The following MEGF6 variants were observed in gnomAD, a reference collection of about 807,000 sequenced individuals.
MEGF6 encodes the protein multiple epidermal growth factor-like domains protein 6.
In MEGF6, 184 loss-of-function variants were observed where a neutral mutation model predicts 207.1. The observed-to-expected ratio is 0.89, with a 90% CI of 0.79 to 1.00. MEGF6 has a LOEUF of 1.00. MEGF6 is among the 50% of genes least tolerant of loss of function. The pLI is 0.00. For synonymous variants in MEGF6, 1,038 were observed against 910.0 expected (o/e 1.14, Z -2.53); for missense variants, 2,282 against 2,202.9 (o/e 1.04, Z -0.72).
chr1:3,567,620 C>T (rs562996508), intron 4 of MEGF6, among the ~76,000 whole-genome samples: 4 of 152,214 alleles, frequency 2.6e-5, no homozygotes, highest in East Asian at 1.9e-4. Flanking sequence ...GCCGGGGACA[C>T]GGCCAGCCTG....
At position 3,560,044 on chromosome 1, in the gene MEGF6, C is replaced by G. The variant is rs1643151877; in HGVS notation, c.481+19781G>C. Among the ~76,000 whole-genome samples, 1 of 146,948 alleles carries G rather than the reference C, an allele frequency of 6.8e-6. No individual in the cohort carries two copies. The highest frequency in any genetic ancestry group is 2.5e-5 in the African/African-American group (1 of 40,374). On this transcript the variant is annotated intron_variant, in intron 4 of 36. Coordinates refer to ENST00000356575, the MANE Select transcript of MEGF6 (RefSeq NM_001409.4). This position sits in a 1 kb window ranked among gnomAD's most constrained non-coding sequence, Gnocchi z 4.0. ...GAAAAAAAAAAAAAAAAAGGAAACA[C>G]GATGAGCCCATCTCCTGGGAGTCGG...
At chr1:3,494,569 CT>C (rs1342384397) in intron 31 of MEGF6, 43 bp downstream of exon 31, 1 of 1,560,898 alleles carries the variant, frequency 6.4e-7, no homozygotes, top group Non-Finnish European at 8.6e-7. Flanking sequence ...CCCAGGGCAC[CT>C]CCCTGAGGGG....
intron 4 of MEGF6, among the ~76,000 whole-genome samples, chr1:3,535,475 C>T (rs1642297886): frequency 6.6e-6 from 1 of 152,156 alleles, no homozygotes; most frequent in Non-Finnish European, 1.5e-5. Context: ...TGCATCCAAC[C>T]CTCTGGTCCT....
Position 3,560,072 on chromosome 1 carries a change from G to C in MEGF6, c.481+19753C>G, listed in dbSNP as rs1447239217. On this transcript the variant is annotated intron_variant, in intron 4 of 36. Coordinates refer to ENST00000356575, the MANE Select transcript of MEGF6 (RefSeq NM_001409.4). The surrounding 1 kb of genome is among the most constrained non-coding windows in gnomAD (Gnocchi z 4.0). ...TGAGCCCATCTCCTGGGAGTCGGGA[G>C]GTGCTCTCAGGGCAGGAGAGGGCCT... Among the ~76,000 whole-genome samples the C allele has an allele frequency of 6.7e-6, 1 of 149,508 alleles. No homozygotes were observed.
the MEGF6 span, among the ~76,000 whole-genome samples, chr1:3,624,027 A>T: frequency 0.015 from 2,277 of 152,182 alleles, 49 homozygotes; most frequent in African/African-American, 0.052. Context: ...CCATCTTTAC[A>T]AATACTCCGC....
chr1:3,612,002 C>T (rs1324577554), upstream of MEGF6, among the ~76,000 whole-genome samples: 1 of 152,144 alleles, frequency 6.6e-6, no homozygotes, highest in Admixed American at 6.5e-5. Context: ...AAGCCAGCCT[C>T]GGCTTGTCCT....
intron 4 of MEGF6, among the ~76,000 whole-genome samples, chr1:3,558,209 C>T (rs1643092093): frequency 6.6e-6 from 1 of 152,238 alleles, no homozygotes; most frequent in South Asian, 2.1e-4. Flanking sequence ...TTTCTCCTTT[C>T]TCCACTCTGA....
the MEGF6 span, among the ~76,000 whole-genome samples, chr1:3,616,878 C>T: frequency 6.6e-6 from 1 of 152,214 alleles, no homozygotes; most frequent in Non-Finnish European, 1.5e-5. Flanking sequence ...GTCTTCCTTC[C>T]TGGTTCTGTG....
chr1:3,515,666 G>T, intron 5 of MEGF6, 139 bp from the exon 6 acceptor site: 1 of 1,041,240 alleles, frequency 9.6e-7, no homozygotes, highest in Non-Finnish European at 1.4e-6. Flanking sequence ...GAGCCCCTCC[G>T]CCTTTTCATC....
chr1:3,548,192 G>A (rs1642776397), intron 4 of MEGF6, among the ~76,000 whole-genome samples: 1 of 152,240 alleles, frequency 6.6e-6, no homozygotes, highest in Non-Finnish European at 1.5e-5. Flanking sequence ...CCCAGAAGAT[G>A]AGGCCGACCT....
Position 3,509,168 on chromosome 1 carries a change from C to G in MEGF6, c.1435G>C (p.Asp479His). 1 of 1,582,332 alleles carries G rather than the reference C, an allele frequency of 6.3e-7. No homozygotes were observed. The highest frequency in any genetic ancestry group is 1.4e-5 in the African/African-American group (1 of 73,902). ...TCCTGGAAGAGTTGCGGCAGCTCGTCCTGGAGCACGGCAATGTGGGGCAGG... is the reference window on the plus strand; with the variant it reads ...TCCTGGAAGAGTTGCGGCAGCTCGTGCTGGAGCACGGCAATGTGGGGCAGG... Reference protein sequence around the residue: ...RPLPHIAVLQDELPQLFQDDD... With the variant: ...RPLPHIAVLQHELPQLFQDDD... Residue 479 changes from aspartate (D) to histidine (H), a missense_variant, in exon 12 of 37, where the codon GAC becomes CAC. Coordinates refer to ENST00000356575, the MANE Select transcript of MEGF6 (RefSeq NM_001409.4).
chr1:3,498,476 C>T lies in MEGF6; in HGVS notation c.3247G>A (p.Ala1083Thr). 1 of 1,581,828 alleles carries T rather than the reference C, an allele frequency of 6.3e-7. No individual in the cohort carries two copies. Among genetic ancestry groups the T allele is most frequent in the South Asian group, 1.1e-5 (1 of 87,834 alleles). The change falls in exon 26 of 37, where the codon GCT becomes ACT. Residue 1083 changes from alanine to threonine, a missense_variant. Transcript: ENST00000356575. ...CAACCGCCGCTGTGCCGGCAGCCAG[C>T]TCTGACGTCCCGGGGGAGGCACTCT... ...EKECLPRDVR[A>T]GCRHSGGCLN...
At chr1:3,568,233 C>G (rs1158633228) in intron 4 of MEGF6, among the ~76,000 whole-genome samples, 2 of 152,124 alleles carry the variant, frequency 1.3e-5, no homozygotes, top group African/African-American at 4.8e-5. Flanking sequence ...TGTGCAGGAC[C>G]TGCCATGAAT....
rs2821008 is a variant in MEGF6 at position 3,505,333 on chromosome 1, A to G, written c.2063T>C (p.Leu688Pro). Residue 688 changes from leucine to proline, a missense_variant, in exon 17 of 37, where the codon CTG becomes CCG. Leu to Pro is a moderately conservative substitution (Grantham distance 98). Coordinates refer to ENST00000356575, the MANE Select transcript of MEGF6 (RefSeq NM_001409.4). ...CCAGCACCCCGGCCCAAAGTAGCCC[A>G]GCTCACACTCTGCAGGGCGTGAGAG... ...RGERCQAECE[L>P]GYFGPGCWQA... The G allele has an allele frequency of 0.2, 315,243 of 1,609,052 alleles. 33,394 individuals carry two copies. The highest frequency in any genetic ancestry group is 0.39 in the African/African-American group (29,204 of 74,442).
intron 1 of MEGF6, among the ~76,000 whole-genome samples, chr1:3,605,997 T>A (rs35701577): frequency 6.6e-6 from 1 of 152,122 alleles, no homozygotes; most frequent in East Asian, 1.9e-4. Context: ...CACCCTGTCC[T>A]CCTCCTACTG....
intron 1 of MEGF6, among the ~76,000 whole-genome samples, chr1:3,607,375 G>A (rs1461808327): frequency 6.6e-6 from 1 of 152,192 alleles, no homozygotes; most frequent in African/African-American, 2.4e-5. Flanking sequence ...GCCCTGCCCA[G>A]CCAGGCTGTG....
At chr1:3,569,151 C>T (rs897372297) in intron 4 of MEGF6, among the ~76,000 whole-genome samples, 4 of 152,244 alleles carry the variant, frequency 2.6e-5, no homozygotes, top group African/African-American at 9.6e-5. Context: ...TAGAGACCCC[C>T]GCCACCAGCC....
chr1:3,521,231 G>C (rs1641735583), intron 5 of MEGF6, among the ~76,000 whole-genome samples: 1 of 152,130 alleles, frequency 6.6e-6, no homozygotes, highest in Admixed American at 6.5e-5. Flanking sequence ...CCACTCCTGA[G>C]GACCGAGGCC....
chr1:3,595,500 C>A, intron 2 of MEGF6, 53 bp from the exon 3 acceptor site: 2 of 1,465,702 alleles, frequency 1.4e-6, no homozygotes, highest in South Asian at 1.1e-5. Flanking sequence ...TGGCTGTATT[C>A]GGCTCTCACT....
Sources: allele counts gnomAD v4.1 joint callset (sites outside exome capture counted in the v4.1 genomes callset), GRCh38; gene constraint gnomAD v4.1.1; non-coding constraint Gnocchi (gnomAD v3.1); transcripts MANE v1.5; gene names NCBI Gene and HGNC (gene_info 2026-07-23, HGNC 2026-07-21).